The following MCTP1 variants were observed in gnomAD, a reference collection of about 807,000 sequenced individuals.
MCTP1 encodes multiple C2 and transmembrane domain containing 1.
MCTP1 carries 69 observed loss-of-function variants against 120.6 expected under a neutral mutation model. The observed-to-expected ratio is 0.57, with a 90% CI of 0.47 to 0.70. The LOEUF (loss-of-function observed/expected upper bound fraction) is 0.70, where lower values mean the gene tolerates loss of function less well. Ranked by LOEUF, MCTP1 falls within the 30% of genes least tolerant of loss-of-function variation. MCTP1 has a pLI of 0.00. For missense variants in MCTP1, 1,203 were observed against 1,248.8 expected (o/e 0.96, Z 0.55); for synonymous variants, 529 against 493.1 (o/e 1.07, Z -0.96).
At chr5:95,220,712 T>G (rs535802810) in intron 1 of MCTP1, among the ~76,000 whole-genome samples, 1 of 152,232 alleles carries the variant, frequency 6.6e-6, no homozygotes, top group Non-Finnish European at 1.5e-5. Context: ...TCCAGAGTCA[T>G]GGCAATATTT....
At chr5:94,824,264 A>G (rs759913133) in intron 17 of MCTP1, among the ~76,000 whole-genome samples, 1 of 152,154 alleles carries the variant, frequency 6.6e-6, no homozygotes, top group Non-Finnish European at 1.5e-5. Context: ...GGGGTGTTGA[A>G]TTTTATTGAA....
At chr5:95,089,340 A>G (rs1236637455) in intron 1 of MCTP1, among the ~76,000 whole-genome samples, 2 of 152,214 alleles carry the variant, frequency 1.3e-5, no homozygotes, top group Non-Finnish European at 2.9e-5. Context: ...TTAATTTGAA[A>G]GTCATTTTCT....
At chr5:95,136,773 G>A (rs1367038140) in intron 1 of MCTP1, among the ~76,000 whole-genome samples, 1 of 152,176 alleles carries the variant, frequency 6.6e-6, no homozygotes, top group East Asian at 1.9e-4. Flanking sequence ...CAATTAGGAA[G>A]AGGCACAGCC....
At chr5:95,019,964 A>T (rs1467355744) in intron 1 of MCTP1, among the ~76,000 whole-genome samples, 2 of 152,114 alleles carry the variant, frequency 1.3e-5, no homozygotes, top group East Asian at 3.9e-4. Flanking sequence ...AACTTTGTTG[A>T]GGTCCAATTG....
intron 19 of MCTP1, among the ~76,000 whole-genome samples, chr5:94,769,802 T>C (rs542381151): frequency 1.1e-4 from 17 of 152,312 alleles, no homozygotes; most frequent in Admixed American, 2.6e-4. Flanking sequence ...AAATGAACCA[T>C]ATCACCAAGA....
chr5:94,707,940 A>G (rs1481720617), intron 22 of MCTP1, among the ~76,000 whole-genome samples: 1 of 151,812 alleles, frequency 6.6e-6, no homozygotes, highest in Non-Finnish European at 1.5e-5. Context: ...ATAGCAAATG[A>G]AAAAGGTATC....
intron 12 of MCTP1, among the ~76,000 whole-genome samples, chr5:94,881,828 T>C (rs1339379340): frequency 1.3e-5 from 2 of 152,192 alleles, no homozygotes; most frequent in African/African-American, 4.8e-5. Context: ...TCCAGCACTA[T>C]TCTCAATTGA....
intron 1 of MCTP1, among the ~76,000 whole-genome samples, chr5:95,020,786 A>T (rs1838054336): frequency 6.6e-6 from 1 of 151,984 alleles, no homozygotes; most frequent in Non-Finnish European, 1.5e-5. Context: ...TGAAATAGGA[A>T]CCTATGTGTT....
At chr5:94,891,358 G>C (rs1802565340) in intron 11 of MCTP1, among the ~76,000 whole-genome samples, 1 of 152,180 alleles carries the variant, frequency 6.6e-6, no homozygotes, top group African/African-American at 2.4e-5. Context: ...TGGGCACGTT[G>C]TGTTCCTACA....
At chr5:94,803,142 T>C (rs1035321311) in intron 17 of MCTP1, among the ~76,000 whole-genome samples, 5 of 152,230 alleles carry the variant, frequency 3.3e-5, no homozygotes, top group Non-Finnish European at 7.3e-5. Context: ...CATTAGAGAC[T>C]AGAACTATTC....
chr5:94,868,180 G>T, intron 17 of MCTP1, 153 bp downstream of exon 17: 1 of 623,262 alleles, frequency 1.6e-6, no homozygotes, highest in Non-Finnish European at 2.4e-6. Context: ...AATCCATCAG[G>T]TTCCTGCCCA....
intron 1 of MCTP1, among the ~76,000 whole-genome samples, chr5:95,149,015 C>A (rs1250601343): frequency 6.6e-6 from 1 of 152,182 alleles, no homozygotes; most frequent in Non-Finnish European, 1.5e-5. Flanking sequence ...CAGTAATGGC[C>A]AGCAGATAGG....
At chr5:95,139,867 C>T (rs960823589) in intron 1 of MCTP1, among the ~76,000 whole-genome samples, 9 of 152,092 alleles carry the variant, frequency 5.9e-5, no homozygotes, top group Middle Eastern at 3.2e-3. Flanking sequence ...AAATGAATAA[C>T]GGAATGGTAA....
At chr5:95,038,653 C>T (rs1315327222) in intron 1 of MCTP1, among the ~76,000 whole-genome samples, 1 of 152,192 alleles carries the variant, frequency 6.6e-6, no homozygotes, top group African/African-American at 2.4e-5. Context: ...CTTCACCATC[C>T]CTTTTCCCTC....
chr5:94,880,632 C>T (rs1396883141), intron 12 of MCTP1, among the ~76,000 whole-genome samples: 1 of 151,994 alleles, frequency 6.6e-6, no homozygotes, highest in Non-Finnish European at 1.5e-5. Flanking sequence ...AATCTGAAGG[C>T]TTGGAAATAA....
intron 1 of MCTP1, among the ~76,000 whole-genome samples, chr5:95,124,382 G>A (rs142839712): frequency 1.3e-5 from 2 of 152,326 alleles, no homozygotes; most frequent in African/African-American, 4.8e-5. Context: ...ATGGAAAAAG[G>A]CACTTTATAA....
chr5:95,021,704 T>G (rs1240788735), intron 1 of MCTP1, among the ~76,000 whole-genome samples: 1 of 152,114 alleles, frequency 6.6e-6, no homozygotes, highest in Non-Finnish European at 1.5e-5. Context: ...TGTCTGTGTA[T>G]AGAAATCATA....
chr5:95,114,623 G>A (rs975105983), intron 1 of MCTP1, among the ~76,000 whole-genome samples: 1 of 152,156 alleles, frequency 6.6e-6, no homozygotes, highest in Non-Finnish European at 1.5e-5. Context: ...TTGAGTATGA[G>A]GTGTGAGCTC....
intron 3 of MCTP1, among the ~76,000 whole-genome samples, chr5:94,952,184 A>T (rs1419954508): frequency 1.3e-5 from 2 of 151,418 alleles, no homozygotes; most frequent in Non-Finnish European, 2.9e-5. Context: ...AAAAAAAAAA[A>T]AAAAAAAAAG....
Sources: allele counts gnomAD v4.1 joint callset (sites outside exome capture counted in the v4.1 genomes callset), GRCh38; gene constraint gnomAD v4.1.1; transcripts MANE v1.5; gene names NCBI Gene and HGNC (gene_info 2026-07-23, HGNC 2026-07-21).